The following MARK1 variants were observed in gnomAD, a reference collection of about 807,000 sequenced individuals.
The protein encoded by MARK1 is serine/threonine-protein kinase MARK1.
In MARK1, 40 loss-of-function variants were observed where a neutral mutation model predicts 96.3. The ratio of observed to expected loss-of-function variants is 0.42; its 90% CI spans 0.32 to 0.54. The LOEUF (loss-of-function observed/expected upper bound fraction) is 0.54, where lower values mean the gene tolerates loss of function less well. Among genes scored for constraint, MARK1 ranks in the 20% least tolerant of loss-of-function variants. The probability of loss-of-function intolerance (pLI) is 0.16; values close to 1 mark genes in which losing one functional copy is unlikely to be tolerated. For missense variants in MARK1, 719 were observed against 984.6 expected (o/e 0.73, Z 3.61); for synonymous variants, 317 against 341.2 (o/e 0.93, Z 0.78).
intron 3 of MARK1, among the ~76,000 whole-genome samples, chr1:220,593,387 C>T (rs1393128607): frequency 1.3e-5 from 2 of 151,962 alleles, no homozygotes; most frequent in African/African-American, 4.8e-5. Flanking sequence ...AAATAATAAG[C>T]TACCGTATTT....
Position 220,664,027 on chromosome 1 carries a change from T to C in MARK1, c.*1861T>C, listed in dbSNP as rs538192502. The C allele has an allele frequency of 6.5e-6, 1 of 152,714 alleles. No homozygotes were observed. The highest frequency in any genetic ancestry group is 1.9e-4 in the East Asian group (1 of 5,192). The allele number at this position is 152,714 out of a possible 1,614,324, so 9.5% of individuals were successfully genotyped here. The stretch of plus-strand genomic sequence containing the variant: ...ATTTAGTTGGCAAAGGGTGAAGCTG[T>C]GAAGGTTTTCAAGATTATTGAAACT... On this transcript the variant is annotated 3_prime_UTR_variant, in exon 18 of 18. Transcript: ENST00000366917.
At chr1:220,553,620 A>T (rs1268151726) in intron 1 of MARK1, among the ~76,000 whole-genome samples, 1 of 152,168 alleles carries the variant, frequency 6.6e-6, no homozygotes, top group Non-Finnish European at 1.5e-5. Flanking sequence ...TTTTGGCTTG[A>T]TGAATCGGAC....
At chr1:220,635,788 T>A (rs749653370) in intron 12 of MARK1, 45 bp from the exon 13 acceptor site, 10 of 1,412,756 alleles carry the variant, frequency 7.1e-6, no homozygotes, top group Admixed American at 4.6e-5. Flanking sequence ...AGAAAGTAGA[T>A]CAGTTGTTTT....
chr1:220,627,222 C>G, intron 9 of MARK1: 1 of 481,252 alleles, frequency 2.1e-6, no homozygotes, highest in South Asian at 1.6e-5. Context: ...GGATCTCGAT[C>G]TGTTCCTCTG....
intron 6 of MARK1, among the ~76,000 whole-genome samples, chr1:220,604,522 T>C (rs537794554): frequency 2.0e-5 from 3 of 151,994 alleles, no homozygotes; most frequent in South Asian, 2.1e-4. Context: ...GTTTAAAGAG[T>C]TTATTGTATT....
intron 3 of MARK1, among the ~76,000 whole-genome samples, chr1:220,584,605 T>C (rs1664467390): frequency 6.6e-6 from 1 of 152,238 alleles, no homozygotes; most frequent in African/African-American, 2.4e-5. Context: ...ACCTCTCTGG[T>C]AAGCTAATTA....
chr1:220,653,521 T>C (rs944984475), intron 16 of MARK1, among the ~76,000 whole-genome samples, 169 bp downstream of exon 16: 1 of 152,180 alleles, frequency 6.6e-6, no homozygotes, highest in African/African-American at 2.4e-5. Flanking sequence ...ATAAAGTATT[T>C]TTCCTTAAGA....
intron 15 of MARK1, among the ~76,000 whole-genome samples, chr1:220,652,600 T>A (rs529870697): frequency 6.6e-5 from 10 of 152,344 alleles, no homozygotes; most frequent in Non-Finnish European, 1.2e-4. Flanking sequence ...TAAAATTGTA[T>A]AATTGTTTTT....
intron 11 of MARK1, among the ~76,000 whole-genome samples, chr1:220,633,568 A>T (rs1667788477): frequency 6.6e-6 from 1 of 152,188 alleles, no homozygotes; most frequent in Admixed American, 6.5e-5. Context: ...GTGAGCAGTT[A>T]ATAGTATGGT....
intron 9 of MARK1, among the ~76,000 whole-genome samples, chr1:220,622,124 G>A (rs1419215333): frequency 1.3e-5 from 2 of 152,042 alleles, no homozygotes; most frequent in Admixed American, 6.5e-5. Context: ...GATTTTAAAC[G>A]GATTTGTGCT....
At chr1:220,543,227 C>T (rs1399659393) in intron 1 of MARK1, among the ~76,000 whole-genome samples, 1 of 152,154 alleles carries the variant, frequency 6.6e-6, no homozygotes, top group Non-Finnish European at 1.5e-5. Flanking sequence ...CCATGACAGT[C>T]ATTGAAATTA....
At chr1:220,533,583 CG>C (rs1269725196) in intron 1 of MARK1, among the ~76,000 whole-genome samples, 4 of 152,212 alleles carry the variant, frequency 2.6e-5, no homozygotes, top group Middle Eastern at 6.8e-3. Context: ...AATTCTTAAA[CG>C]ATAGCTTTGC....
chr1:220,573,964 A>G (rs1324479607), intron 1 of MARK1, among the ~76,000 whole-genome samples: 1 of 152,056 alleles, frequency 6.6e-6, no homozygotes. Flanking sequence ...CTTTCTGGCC[A>G]TATTTTCCTT....
chr1:220,559,845 G>C (rs1405640506), intron 1 of MARK1, among the ~76,000 whole-genome samples: 3 of 152,052 alleles, frequency 2.0e-5, no homozygotes, highest in African/African-American at 7.2e-5. Flanking sequence ...AGACAGAGGA[G>C]GAAGAATGAA....
chr1:220,529,875 C>A (rs1004044282), intron 1 of MARK1, among the ~76,000 whole-genome samples: 8 of 152,140 alleles, frequency 5.3e-5, no homozygotes, highest in African/African-American at 1.9e-4. Context: ...GGCTGATTTT[C>A]CGACTGATTT....
intron 3 of MARK1, among the ~76,000 whole-genome samples, chr1:220,595,488 A>G (rs780005929): frequency 6.6e-6 from 1 of 152,224 alleles, no homozygotes; most frequent in Non-Finnish European, 1.5e-5. Context: ...CATCAGTTAC[A>G]GTGACTTGGA....
chr1:220,571,226 A>G (rs1364248390), intron 1 of MARK1, among the ~76,000 whole-genome samples: 1 of 152,192 alleles, frequency 6.6e-6, no homozygotes, highest in East Asian at 1.9e-4. Flanking sequence ...GGGTCCATTC[A>G]TGTACTAGTC....
chr1:220,598,500 AAGTGATAACCTG>A (rs143483427), intron 4 of MARK1, 121 bp downstream of exon 4: 9,468 of 185,202 alleles, frequency 0.051, 927 homozygotes, highest in African/African-American at 0.21. Flanking sequence ...AGCAGAAGAA[AAGTGATAACCTG>A]AGTGATAACC....
chr1:220,659,246 A>T (rs1669334189), intron 17 of MARK1, among the ~76,000 whole-genome samples: 2 of 152,100 alleles, frequency 1.3e-5, no homozygotes, highest in African/African-American at 2.4e-5. Context: ...TGATCATTTA[A>T]TTTTCACAAC....
Sources: gnomAD v4.1 joint callset for allele counts (sites outside exome capture counted in the v4.1 genomes callset) on GRCh38, gnomAD v4.1.1 for gene constraint, MANE v1.5 for transcripts, NCBI Gene and HGNC (gene_info 2026-07-23, HGNC 2026-07-21) for gene names.